The following LRRC40 variants were observed in gnomAD, a reference collection of about 807,000 sequenced individuals.
LRRC40 encodes leucine rich repeat containing 40.
Under a neutral mutation model 72.8 loss-of-function variants are expected in LRRC40, and 76 were observed. The observed-to-expected ratio is 1.04, with a 90% CI of 0.87 to 1.26. The LOEUF is 1.26. LRRC40 is among the 50% of genes most tolerant of loss of function. The pLI, the probability that LRRC40 is intolerant of heterozygous loss-of-function variation, is 0.00. For synonymous variants in LRRC40, 243 were observed against 254.2 expected (o/e 0.96, Z 0.42); for missense variants, 684 against 698.9 (o/e 0.98, Z 0.24).
intron 14 of LRRC40, among the ~76,000 whole-genome samples, chr1:70,146,736 C>G (rs188617442): frequency 2.8e-4 from 43 of 152,256 alleles, no homozygotes; most frequent in African/African-American, 9.4e-4. Context: ...TGCTCCACCC[C>G]CTGCCTCCCA....
chr1:70,186,092 T>G (rs1358351091), intron 3 of LRRC40, among the ~76,000 whole-genome samples: 3 of 152,186 alleles, frequency 2.0e-5, no homozygotes, highest in Non-Finnish European at 4.4e-5. Flanking sequence ...CGGTTACTGT[T>G]ATTGGTTACC....
chr1:70,157,517 A>G (rs559477396), intron 10 of LRRC40, among the ~76,000 whole-genome samples: 5 of 152,350 alleles, frequency 3.3e-5, no homozygotes, highest in African/African-American at 1.2e-4. Context: ...CCCAAATAAA[A>G]TTGGACCAAT....
intron 3 of LRRC40, among the ~76,000 whole-genome samples, chr1:70,186,134 C>CT (rs1018813738): frequency 2.6e-5 from 4 of 152,132 alleles, no homozygotes; most frequent in Admixed American, 6.6e-5. Flanking sequence ...TGATAGGGAT[C>CT]TAACTGGGGA....
intron 14 of LRRC40, among the ~76,000 whole-genome samples, chr1:70,147,602 G>C (rs1667341498): frequency 1.3e-5 from 2 of 152,186 alleles, no homozygotes; most frequent in South Asian, 4.1e-4. Context: ...AGAAGCAATA[G>C]GTCAGTATTC....
intron 9 of LRRC40, among the ~76,000 whole-genome samples, chr1:70,167,826 G>T (rs1667921045): frequency 6.6e-6 from 1 of 152,056 alleles, no homozygotes; most frequent in Non-Finnish European, 1.5e-5. Context: ...TGTTGGCCAG[G>T]CTGGTCTCGA....
intron 11 of LRRC40, 25 bp from the exon 12 acceptor site, chr1:70,152,568 G>A: frequency 8.0e-7 from 1 of 1,256,710 alleles, no homozygotes; most frequent in Non-Finnish European, 1.2e-6. Flanking sequence ...ATTTTAAAAT[G>A]TTAGCACTTG....
In LRRC40 at chr1:70,167,611, ATTCTAT is replaced by A. The variant is rs1481206948; in HGVS notation, c.1111+5848_1111+5853del. ...TAATAATTTAAGGCCTCTGAAAAGG[ATTCTAT>A]TTCTATTTATTTTGAGATGGAGTCT... is the stretch of plus-strand genomic sequence containing the variant. On this transcript the variant is annotated intron_variant, in intron 9 of 14. Coordinates refer to ENST00000370952, the MANE Select transcript of LRRC40 (RefSeq NM_017768.5). Among the ~76,000 whole-genome samples the A allele has an allele frequency of 2.6e-5, 4 of 152,112 alleles. No individual in the cohort carries two copies. The East Asian group carries it at 7.8e-4, about 29-fold the overall frequency.
intron 5 of LRRC40, among the ~76,000 whole-genome samples, chr1:70,179,313 G>A (rs139909386): frequency 1.8e-4 from 28 of 151,950 alleles, no homozygotes; most frequent in Middle Eastern, 3.4e-3. Context: ...GTGAAACATC[G>A]TCTCTACTAA....
intron 12 of LRRC40, 53 bp downstream of exon 12, chr1:70,152,380 T>C (rs1311478204): frequency 1.1e-6 from 1 of 940,572 alleles, no homozygotes; most frequent in African/African-American, 1.7e-5. Context: ...TAGACAAAAC[T>C]CAAAGACAAG....
chr1:70,173,764 C>A, intron 7 of LRRC40, 55 bp from the exon 8 acceptor site: 1 of 829,972 alleles, frequency 1.2e-6, no homozygotes, highest in South Asian at 1.8e-5. Context: ...TATACTCCAA[C>A]CATAGTTAAC....
intron 9 of LRRC40, among the ~76,000 whole-genome samples, chr1:70,163,711 T>C (rs1317545241): frequency 6.6e-6 from 1 of 152,232 alleles, no homozygotes; most frequent in Non-Finnish European, 1.5e-5. Context: ...GGGTCATTAT[T>C]ATGTCTATCA....
rs753884075 is a variant in LRRC40, at chr1:70,205,548, G to A, written c.-8C>T. The A allele has an allele frequency of 1.3e-6, 2 of 1,584,986 alleles. No individual in the cohort carries two copies. Among genetic ancestry groups the A allele is most frequent in the Non-Finnish European group, 1.7e-6 (2 of 1,157,466 alleles). On this transcript the variant is annotated 5_prime_UTR_variant, in exon 1 of 15. Transcript: ENST00000370952. The stretch of plus-strand genomic sequence containing the variant: ...CCGCTTCAGGCGCGACATGTTCAAA[G>A]TCCTAGGTCCAGAAGCTGCAGCCCC...
Position 70,151,169 on chromosome 1 carries a change from T to G in LRRC40, c.1476A>C (p.Glu492Asp), listed in dbSNP as rs770461334. Residue 492 changes from glutamate (E) to aspartate (D), a missense_variant, in exon 13 of 15, where the codon GAA becomes GAC. By Grantham distance (45) the Glu-to-Asp change is conservative (BLOSUM62 2). Transcript: ENST00000370952. ...NFLNSLPEEM[E>D]SLVRLQTINL... is the part of the protein sequence containing the mutation. Reference sequence around the variant, plus strand: ...TGATCGTTTGCAGTCTTACCAGTGATTCCATTTCTTCTGGCAAAGAATTTA... The same window carrying G: ...TGATCGTTTGCAGTCTTACCAGTGAGTCCATTTCTTCTGGCAAAGAATTTA... The G allele has an allele frequency of 6.3e-7, 1 of 1,590,422 alleles. No homozygotes were observed.
chr1:70,193,320 G>A (rs1307205555), intron 1 of LRRC40, among the ~76,000 whole-genome samples: 1 of 151,922 alleles, frequency 6.6e-6, no homozygotes, highest in Non-Finnish European at 1.5e-5. Flanking sequence ...TCCCACAGAT[G>A]TTAAAAGGAT....
At chr1:70,187,616 G>C (rs1048948749) in intron 2 of LRRC40, among the ~76,000 whole-genome samples, 14 of 151,802 alleles carry the variant, frequency 9.2e-5, no homozygotes, top group African/African-American at 3.1e-4. Flanking sequence ...CTTGTACCCA[G>C]GAGTTTGAGA....
At chr1:70,174,645 A>G (rs139598909) in intron 7 of LRRC40, among the ~76,000 whole-genome samples, 1 of 152,204 alleles carries the variant, frequency 6.6e-6, no homozygotes, top group Non-Finnish European at 1.5e-5. Flanking sequence ...CATGAATCAC[A>G]AAAACTTTAT....
chr1:70,155,096 A>C (rs941169279), intron 11 of LRRC40, among the ~76,000 whole-genome samples: 4 of 152,176 alleles, frequency 2.6e-5, no homozygotes, highest in African/African-American at 7.2e-5. Context: ...CAATATACTA[A>C]ATTAACACTC....
chr1:70,203,199 A>G (rs1488558593), intron 1 of LRRC40, among the ~76,000 whole-genome samples: 4 of 152,142 alleles, frequency 2.6e-5, no homozygotes, highest in African/African-American at 7.2e-5. Context: ...TTATCAAAGT[A>G]TAGGATACTG....
At chr1:70,199,023 TC>T (rs553872456) in intron 1 of LRRC40, among the ~76,000 whole-genome samples, 214 of 152,064 alleles carry the variant, frequency 1.4e-3, no homozygotes, top group African/African-American at 4.6e-3. Flanking sequence ...TGGTGGCACA[TC>T]CCTGTAGTCT....
Sources: allele counts gnomAD v4.1 joint callset (sites outside exome capture counted in the v4.1 genomes callset), GRCh38; gene constraint gnomAD v4.1.1; transcripts MANE v1.5; gene names NCBI Gene and HGNC (gene_info 2026-07-23, HGNC 2026-07-21).